The following MAP2K6 variants were observed in gnomAD, a reference collection of about 807,000 sequenced individuals.
MAP2K6 encodes mitogen-activated protein kinase kinase 6.
MAP2K6 carries 16 observed loss-of-function variants against 53.7 expected under a neutral mutation model. That is an observed-to-expected ratio of 0.30 (90% CI 0.20 to 0.45). The LOEUF is 0.45. Among genes scored for constraint, MAP2K6 ranks in the 20% least tolerant of loss-of-function variants. The pLI, the probability that MAP2K6 is intolerant of heterozygous loss-of-function variation, is 1.00. For missense variants in MAP2K6, 204 were observed against 411.9 expected (o/e 0.50, Z 4.37); for synonymous variants, 132 against 143.1 (o/e 0.92, Z 0.55).
rs1446399429 is a variant in MAP2K6 at position 69,541,783 on chromosome 17, C to G, written c.*30C>G. The G allele has an allele frequency of 6.3e-7, 1 of 1,576,490 alleles. No homozygotes were observed. Among genetic ancestry groups the G allele is most frequent in the Non-Finnish European group, 8.7e-7 (1 of 1,148,482 alleles). ...CAGTGGACTTAATCGGTTGACCCTA[C>G]TGTGGATTGGTGGGTTTCGGGGTGA... On this transcript the variant is annotated 3_prime_UTR_variant, in exon 12 of 12. Transcript: ENST00000590474.
intron 9 of MAP2K6, 49 bp from the exon 10 acceptor site, chr17:69,526,521 A>G: frequency 6.3e-7 from 1 of 1,594,218 alleles, no homozygotes; most frequent in African/African-American, 1.3e-5. Flanking sequence ...GTGATTCCCT[A>G]AAGCAGCCCT....
At chr17:69,435,901 C>T (rs1048055565) in intron 1 of MAP2K6, among the ~76,000 whole-genome samples, 15 of 151,996 alleles carry the variant, frequency 9.9e-5, no homozygotes, top group South Asian at 2.1e-4. Flanking sequence ...CTTTTGACTT[C>T]GGGTGATCTG....
intron 1 of MAP2K6, among the ~76,000 whole-genome samples, chr17:69,440,393 C>G (rs1388150992): frequency 6.6e-6 from 1 of 152,120 alleles, no homozygotes; most frequent in African/African-American, 2.4e-5. Context: ...CCTTACTTCC[C>G]TATCCCTACC....
intron 10 of MAP2K6, 52 bp from the exon 11 acceptor site, chr17:69,536,063 A>G: frequency 8.1e-7 from 1 of 1,234,944 alleles, no homozygotes; most frequent in Non-Finnish European, 1.2e-6. Context: ...TCCTTGTCTA[A>G]TGAAAATATA....
In MAP2K6 at chr17:69,479,727, T is replaced by C. The variant is rs1038550930; in HGVS notation, c.17-26053T>C. Among the ~76,000 whole-genome samples the C allele has an allele frequency of 3.3e-5, 5 of 151,634 alleles. No individual in the cohort carries two copies. In the East Asian group the frequency reaches 5.8e-4, roughly 18 times the overall value. ...GTACTTTTCCTTTTGTTCTTTTTTTTTTTTTTTTGAGATGGAGTCTCACTC... is the reference window on the plus strand; with the variant it reads ...GTACTTTTCCTTTTGTTCTTTTTTTCTTTTTTTTGAGATGGAGTCTCACTC... On this transcript the variant is annotated intron_variant, in intron 1 of 11. Transcript: ENST00000590474.
intron 1 of MAP2K6, among the ~76,000 whole-genome samples, chr17:69,496,029 A>T (rs1379467087): frequency 6.6e-6 from 1 of 151,912 alleles, no homozygotes; most frequent in East Asian, 1.9e-4. Flanking sequence ...TTCTTTTAAG[A>T]ACATCTTAGT....
chr17:69,514,996 C>T (rs749044413), intron 2 of MAP2K6, among the ~76,000 whole-genome samples: 1 of 152,056 alleles, frequency 6.6e-6, no homozygotes, highest in Non-Finnish European at 1.5e-5. Context: ...TTCCATTTTC[C>T]TTTGCCTTTT....
At chr17:69,449,516 T>A (rs1014481916) in intron 1 of MAP2K6, among the ~76,000 whole-genome samples, 12 of 127,374 alleles carry the variant, frequency 9.4e-5, no homozygotes, top group Non-Finnish European at 1.8e-4. Context: ...TTTCTTTCTT[T>A]GTCTTTCTTT....
At position 69,524,896 on chromosome 17, in the gene MAP2K6, T is replaced by C. The variant is rs1567854726; in HGVS notation, c.664-5T>C. On this transcript the variant is annotated splice_region_variant and splice_polypyrimidine_tract_variant and intron_variant, in intron 8 of 11. Transcript: ENST00000590474. ...CAGTTTCTCAGTTGTCTGTCTTCTT[T>C]CCAGCCTGAAAGAATAAACCCAGAG... 6.2e-7 allele frequency: 1 copy of C among 1,610,924 alleles called. No individual in the cohort carries two copies. Among genetic ancestry groups the C allele is most frequent in the Non-Finnish European group, 8.5e-7 (1 of 1,177,374 alleles).
chr17:69,548,572 G>A lies in MAP2K6; in HGVS notation c.*6819G>A, dbSNP rs1394410943. ...AATGATACTTGGAAACTCCTTAACA[G>A]GGCATATTGAAGTATTTGATCCAGC... is the stretch of plus-strand genomic sequence containing the variant. On this transcript the variant is annotated 3_prime_UTR_variant, in exon 12 of 12. Coordinates refer to ENST00000590474, the MANE Select transcript of MAP2K6 (RefSeq NM_002758.4). 3 of 152,088 alleles carry A rather than the reference G, an allele frequency of 2.0e-5. No individual in the cohort carries two copies. The highest frequency in any genetic ancestry group is 7.2e-5 in the African/African-American group (3 of 41,400). 9.4% of individuals were successfully genotyped at this position (152,088 alleles called of 1,614,324 possible).
At chr17:69,437,482 T>C (rs577034697) in intron 1 of MAP2K6, among the ~76,000 whole-genome samples, 1 of 152,206 alleles carries the variant, frequency 6.6e-6, no homozygotes, top group East Asian at 1.9e-4. Context: ...GAAACTTTTA[T>C]TGAAAAAAAA....
chr17:69,437,535 C>CAAGGG (rs1308735845), intron 1 of MAP2K6, among the ~76,000 whole-genome samples: 1 of 152,282 alleles, frequency 6.6e-6, no homozygotes, highest in African/African-American at 2.4e-5. Context: ...CCCTGATGTT[C>CAAGGG]AAGGGCCAAC....
chr17:69,534,354 C>T (rs934658634), intron 10 of MAP2K6, among the ~76,000 whole-genome samples: 2 of 152,092 alleles, frequency 1.3e-5, no homozygotes, highest in Non-Finnish European at 2.9e-5. Flanking sequence ...TTATTTTTAT[C>T]CTCAGTTGAG....
At chr17:69,464,867 C>T (rs1202563987) in intron 1 of MAP2K6, among the ~76,000 whole-genome samples, 5 of 152,034 alleles carry the variant, frequency 3.3e-5, no homozygotes, top group Admixed American at 6.6e-5. Flanking sequence ...AGGCACGTGC[C>T]ACCACGCCCG....
At chr17:69,466,582 G>C (rs556481965) in intron 1 of MAP2K6, among the ~76,000 whole-genome samples, 1 of 152,152 alleles carries the variant, frequency 6.6e-6, no homozygotes. Context: ...GTTTGAAACC[G>C]GGCAAGACTT....
intron 1 of MAP2K6, among the ~76,000 whole-genome samples, chr17:69,461,652 T>C (rs1320454280): frequency 1.8e-4 from 28 of 152,062 alleles, no homozygotes; most frequent in Admixed American, 1.8e-3. Context: ...TGGGGATATC[T>C]CCAAGGCCCC....
At chr17:69,477,698 G>T (rs1225859249) in intron 1 of MAP2K6, 2 of 152,176 alleles carry the variant, frequency 1.3e-5, no homozygotes, top group Non-Finnish European at 2.9e-5. Context: ...GTAATACTTT[G>T]GTTTATTTAC....
chr17:69,416,135 A>G (rs1905892130), intron 1 of MAP2K6, among the ~76,000 whole-genome samples: 1 of 152,018 alleles, frequency 6.6e-6, no homozygotes, highest in Non-Finnish European at 1.5e-5. Context: ...TACCCGGGGC[A>G]CTCTTTGAGT....
rs1911902882 is a variant in MAP2K6 at position 69,547,007 on chromosome 17, A to G, written c.*5254A>G. Reference sequence around the variant, plus strand: ...AAAGCTATTTTATTCTCGGAGGTCTATGTTCCTCTTGTGTTTGAGTGCCTC... The same window carrying G: ...AAAGCTATTTTATTCTCGGAGGTCTGTGTTCCTCTTGTGTTTGAGTGCCTC... On this transcript the variant is annotated 3_prime_UTR_variant, in exon 12 of 12. Coordinates refer to ENST00000590474, the MANE Select transcript of MAP2K6 (RefSeq NM_002758.4). The G allele has an allele frequency of 6.6e-6, 1 of 151,990 alleles. No homozygotes were observed. The highest frequency in any genetic ancestry group is 2.4e-5 in the African/African-American group (1 of 41,394). 9.4% of individuals were successfully genotyped at this position (151,990 alleles called of 1,614,324 possible).
Sources: gnomAD v4.1 joint callset for allele counts (sites outside exome capture counted in the v4.1 genomes callset) on GRCh38, gnomAD v4.1.1 for gene constraint, MANE v1.5 for transcripts, NCBI Gene and HGNC (gene_info 2026-07-23, HGNC 2026-07-21) for gene names.